The following DAB1 variants were observed in gnomAD, a reference collection of about 807,000 sequenced individuals.
The protein encoded by DAB1 is DAB adaptor protein 1.
A neutral mutation model predicts 64.6 loss-of-function variants in DAB1; 15 were observed. The ratio of observed to expected loss-of-function variants is 0.23; its 90% confidence interval spans 0.16 to 0.36. The LOEUF is 0.36. DAB1 is among the 10% of genes least tolerant of loss of function. DAB1 has a pLI of 1.00. For synonymous variants in DAB1, 235 were observed against 251.9 expected, an observed-to-expected ratio of 0.93 and a Z score of 0.64; for missense variants, 596 against 706.7, an observed-to-expected ratio of 0.84 and a Z score of 1.78.
rs1662144640 is a variant in DAB1, at chr1:58,300,652, GGAAGGAAGGA to G, written n.309+42690_309+42699del. 1.3e-4 allele frequency among the ~76,000 whole-genome samples: 11 copies of G among 84,656 alleles called. 1 individual carries two copies. The highest frequency in any genetic ancestry group is 6.5e-4 in the South Asian group (1 of 1,548). The allele number at this position is 84,656 out of a possible 152,430, so 55.5% of individuals were successfully genotyped here. A position where few individuals can be genotyped will look rare whatever the true frequency, so the allele number is the denominator to read the frequency against. Reference sequence around the variant, plus strand: ...AGAGAGAGAGAGAGAGAGAGAGGAAGGAAGGAAGGAAGGAAGGAAGGAAGGAAGGAAGGAA... The same window carrying G: ...AGAGAGAGAGAGAGAGAGAGAGGAAGAGGAAGGAAGGAAGGAAGGAAGGAA... On this transcript the variant is annotated intron_variant and non_coding_transcript_variant, in intron 4 of 20. Transcript: ENST00000485760.
At chr1:57,760,624 A>G in intron 6 of DAB1, among the ~76,000 whole-genome samples, 1 of 84,430 alleles carries the variant, frequency 1.2e-5, no homozygotes. Flanking sequence ...TCTCTCTCAC[A>G]CACACACACA....
chr1:57,016,689 C>T (rs979479673), intron 11 of DAB1, among the ~76,000 whole-genome samples: 8 of 147,424 alleles, frequency 5.4e-5, no homozygotes, highest in African/African-American at 1.8e-4. Flanking sequence ...TGTACTCACA[C>T]GTATTACCAT....
At chr1:57,087,244 C>T (rs201718585) in intron 4 of DAB1, among the ~76,000 whole-genome samples, 1 of 152,204 alleles carries the variant, frequency 6.6e-6, no homozygotes, top group East Asian at 1.9e-4. Context: ...CTGCAGGAGA[C>T]AGCCAGGTGC....
At chr1:57,598,614 C>T (rs1645538924) in intron 7 of DAB1, among the ~76,000 whole-genome samples, 1 of 152,148 alleles carries the variant, frequency 6.6e-6, no homozygotes, top group Non-Finnish European at 1.5e-5. Context: ...AGACACCCTC[C>T]CAAGGAGATG....
At chr1:57,099,413 AAGT>A (rs1340687021) in intron 4 of DAB1, among the ~76,000 whole-genome samples, 4 of 152,250 alleles carry the variant, frequency 2.6e-5, no homozygotes, top group Admixed American at 2.0e-4. Flanking sequence ...GGGTAGCAGT[AAGT>A]AGCGCAGTTC....
At chr1:58,386,409 T>A (rs1644432630) in intron 3 of DAB1, among the ~76,000 whole-genome samples, 1 of 152,188 alleles carries the variant, frequency 6.6e-6, no homozygotes, top group Non-Finnish European at 1.5e-5. Context: ...ATATTAAATG[T>A]TTGTTCTCAT....
chr1:57,376,388 T>C (rs182838053), intron 1 of DAB1, among the ~76,000 whole-genome samples: 1 of 152,342 alleles, frequency 6.6e-6, no homozygotes, highest in East Asian at 1.9e-4. Flanking sequence ...GAAGAATTCC[T>C]ACAATCCTCA....
At chr1:57,999,535 A>G (rs1351759830) in intron 5 of DAB1, among the ~76,000 whole-genome samples, 1 of 152,210 alleles carries the variant, frequency 6.6e-6, no homozygotes, top group Non-Finnish European at 1.5e-5. Flanking sequence ...AGGACAGACT[A>G]GAGCCTCTCT....
chr1:58,188,118 A>T (rs991530257), intron 4 of DAB1, among the ~76,000 whole-genome samples: 3 of 151,844 alleles, frequency 2.0e-5, no homozygotes, highest in Non-Finnish European at 4.4e-5. Context: ...CATGTTGGCC[A>T]GACTGGTCTC....
chr1:57,297,871 C>T (rs1209878311), intron 1 of DAB1, among the ~76,000 whole-genome samples: 1 of 152,138 alleles, frequency 6.6e-6, no homozygotes. Flanking sequence ...TCTGATTCCA[C>T]CTCCACCCCT....
chr1:58,080,669 A>T (rs1159309046), intron 5 of DAB1, among the ~76,000 whole-genome samples: 1 of 152,244 alleles, frequency 6.6e-6, no homozygotes, highest in Non-Finnish European at 1.5e-5. Flanking sequence ...GAATTTTAGC[A>T]GAGCTAGTTT....
chr1:57,440,174 T>G (rs1253905446), intron 7 of DAB1, among the ~76,000 whole-genome samples: 2 of 152,244 alleles, frequency 1.3e-5, no homozygotes, highest in Admixed American at 6.5e-5. Flanking sequence ...TTCTTTCTTC[T>G]TTGATTCCTT....
intron 4 of DAB1, among the ~76,000 whole-genome samples, chr1:58,160,052 G>T (rs1213060028): frequency 6.6e-6 from 1 of 151,840 alleles, no homozygotes; most frequent in Non-Finnish European, 1.5e-5. Flanking sequence ...AAATACAAAT[G>T]AACAAAAGTA....
intron 3 of DAB1, among the ~76,000 whole-genome samples, chr1:58,422,831 C>G (rs1451164656): frequency 6.6e-6 from 1 of 152,006 alleles, no homozygotes; most frequent in African/African-American, 2.4e-5. Context: ...AGAAAAAAAT[C>G]AAGCCTCTGC....
chr1:58,526,016 T>C (rs1426212450), intron 2 of DAB1, among the ~76,000 whole-genome samples: 3 of 152,094 alleles, frequency 2.0e-5, no homozygotes, highest in African/African-American at 7.2e-5. Context: ...AAAAAGATGT[T>C]GCCCTCTTCC....
chr1:57,048,840 C>G (rs928463542), intron 9 of DAB1, among the ~76,000 whole-genome samples: 1 of 152,178 alleles, frequency 6.6e-6, no homozygotes, highest in Non-Finnish European at 1.5e-5. Context: ...AGCAGAGAGA[C>G]GGGGTGATCA....
At position 57,625,021 on chromosome 1, in the gene DAB1, G is replaced by A. The variant is rs61769635; in HGVS notation, n.625+24571C>T. Reference sequence around the variant, plus strand: ...AAATGTATTCAAATAATTATAGGACGAAAAGTCAACAACAAGTCAAAGCCC... The same window carrying A: ...AAATGTATTCAAATAATTATAGGACAAAAAGTCAACAACAAGTCAAAGCCC... On this transcript the variant is annotated intron_variant and non_coding_transcript_variant, in intron 7 of 20. Coordinates refer to the DAB1 transcript ENST00000485760. Among the ~76,000 whole-genome samples the A allele has an allele frequency of 6.3e-3, 960 of 152,038 alleles. 6 individuals carry two copies. The highest frequency in any genetic ancestry group is 0.012 in the Non-Finnish European group (786 of 67,992).
chr1:57,635,299 A>G (rs924905408), intron 7 of DAB1, among the ~76,000 whole-genome samples: 3 of 152,180 alleles, frequency 2.0e-5, no homozygotes, highest in Non-Finnish European at 4.4e-5. Flanking sequence ...GACTGGTACC[A>G]GTTCATGGTG....
chr1:57,072,072 A>C (rs911761558), intron 5 of DAB1, among the ~76,000 whole-genome samples: 16 of 151,870 alleles, frequency 1.1e-4, no homozygotes, highest in Admixed American at 7.2e-4. Context: ...GTTAAAAAAA[A>C]AAAAAAAAAC....
Sources: gnomAD v4.1 joint callset for allele counts (sites outside exome capture counted in the v4.1 genomes callset) on GRCh38, gnomAD v4.1.1 for gene constraint, MANE v1.5 for transcripts, NCBI Gene and HGNC (gene_info 2026-07-23, HGNC 2026-07-21) for gene names.